The following CLEC16A variants were observed in gnomAD, a reference collection of about 807,000 sequenced individuals.
CLEC16A encodes protein CLEC16A.
Under a neutral mutation model 109.5 loss-of-function variants are expected in CLEC16A, and 51 were observed. The observed-to-expected ratio is 0.47, with a 90% CI of 0.37 to 0.59. CLEC16A has a LOEUF of 0.59. Ranked by LOEUF, CLEC16A falls within the 20% of genes least tolerant of loss-of-function variation. The probability of loss-of-function intolerance (pLI) is 0.00; values close to 1 mark genes in which losing one functional copy is unlikely to be tolerated. For synonymous variants in CLEC16A, 673 were observed against 564.2 expected (o/e 1.19, Z -2.73); for missense variants, 1,339 against 1,394.0 (o/e 0.96, Z 0.63).
chr16:10,959,254 A>G lies in CLEC16A; in HGVS notation c.209+1344A>G, dbSNP rs139648914. Among the ~76,000 whole-genome samples, 175 of 152,350 alleles carry G rather than the reference A, an allele frequency of 1.1e-3. 2 individuals are homozygous for G. Among genetic ancestry groups the G allele is most frequent in the African/African-American group, 4.0e-3 (167 of 41,568 alleles). The stretch of plus-strand genomic sequence containing the variant: ...ATATTTTCATCAGCAAGGTTATCCA[A>G]TAAAGCTACTTGTGGAAATGCAGAC... On this transcript the variant is annotated intron_variant, in intron 2 of 23. Coordinates refer to ENST00000409790, the MANE Select transcript of CLEC16A (RefSeq NM_015226.3).
intron 19 of CLEC16A, among the ~76,000 whole-genome samples, chr16:11,111,523 C>G (rs1314751106): frequency 6.6e-6 from 1 of 152,194 alleles, no homozygotes; most frequent in Non-Finnish European, 1.5e-5. Context: ...AGGGTAGACC[C>G]CACCACTTGA....
intron 22 of CLEC16A, among the ~76,000 whole-genome samples, chr16:11,163,329 T>C (rs2153089853): frequency 6.6e-6 from 1 of 152,028 alleles, no homozygotes; most frequent in Middle Eastern, 3.4e-3. Context: ...AAGCCAAAAG[T>C]CACTGTGGCT....
Position 11,020,334 on chromosome 16 carries a change from C to T in CLEC16A, c.1436+9C>T. ...AGCACGCAATGGAGCAGGTAGCTGC[C>T]CGAGAGGTCGATGCTGAGTGCTCTC... On this transcript the variant is annotated intron_variant, in intron 12 of 23. Coordinates refer to ENST00000409790, the MANE Select transcript of CLEC16A (RefSeq NM_015226.3). 2 of 1,601,932 alleles carry T rather than the reference C, an allele frequency of 1.2e-6. No individual in the cohort carries two copies.
In CLEC16A at chr16:11,178,546, G is replaced by T. The variant is rs777759425; in HGVS notation, c.3018G>T (p.Ser1006=). 2 of 1,612,628 alleles carry T rather than the reference G, an allele frequency of 1.2e-6. No homozygotes were observed. Among genetic ancestry groups the T allele is most frequent in the Non-Finnish European group, 8.5e-7 (1 of 1,179,826 alleles). ...EDTADTLSVE[S]LTLVPPVDPH... ...CGGCTGACACGCTGAGCGTCGAATC[G>T]CTGACCCTTGTCCCCCCAGTTGACC... The change falls in exon 24 of 24, where the codon TCG becomes TCT. Residue 1006 remains serine (S), a synonymous_variant. Coordinates refer to ENST00000409790, the MANE Select transcript of CLEC16A (RefSeq NM_015226.3). The surrounding 1 kb of genome is among the most constrained non-coding windows in gnomAD (Gnocchi z 6.5).
chr16:11,091,310 G>A (rs2050291156), intron 19 of CLEC16A, among the ~76,000 whole-genome samples: 2 of 152,256 alleles, frequency 1.3e-5, no homozygotes, highest in African/African-American at 2.4e-5. Context: ...AAGCTCACAG[G>A]CCTATTCAGT....
rs750967942 is a variant in CLEC16A at position 10,961,692 on chromosome 16, G to A, written c.210-763G>A. Among the ~76,000 whole-genome samples the A allele has an allele frequency of 6.6e-6, 1 of 152,188 alleles. No individual in the cohort carries two copies. The highest frequency in any genetic ancestry group is 1.5e-5 in the Non-Finnish European group (1 of 68,022). The stretch of plus-strand genomic sequence containing the variant: ...GGGTTTCTCCACCACATCAGTACCT[G>A]TGTATTTCTTTCTAGTTATTTTCCC... On this transcript the variant is annotated intron_variant, in intron 2 of 23. Coordinates refer to ENST00000409790, the MANE Select transcript of CLEC16A (RefSeq NM_015226.3). This position sits in a 1 kb window ranked among gnomAD's most constrained non-coding sequence, Gnocchi z 4.3.
At chr16:11,117,764 C>T (rs1015817501) in intron 19 of CLEC16A, among the ~76,000 whole-genome samples, 49 of 152,260 alleles carry the variant, frequency 3.2e-4, no homozygotes, top group African/African-American at 1.1e-3. Context: ...AATTTTGCAT[C>T]TGGTGGGAAA....
At chr16:11,025,766 A>C in intron 13 of CLEC16A, among the ~76,000 whole-genome samples, 1 of 152,250 alleles carries the variant, frequency 6.6e-6, no homozygotes, top group East Asian at 1.9e-4. Context: ...ATGTGTTCTT[A>C]AATCATTAAT....
At chr16:10,994,188 C>T (rs527590261) in intron 10 of CLEC16A, among the ~76,000 whole-genome samples, 31 of 152,266 alleles carry the variant, frequency 2.0e-4, no homozygotes, top group Non-Finnish European at 3.8e-4. Flanking sequence ...TTAATGGAAG[C>T]GGCCTGCTAC....
At chr16:11,066,058 C>T (rs1218661616) in intron 19 of CLEC16A, among the ~76,000 whole-genome samples, 1 of 152,176 alleles carries the variant, frequency 6.6e-6, no homozygotes, top group African/African-American at 2.4e-5. Flanking sequence ...GACTCAGGGG[C>T]CAGACTGTGC....
intron 2 of CLEC16A, among the ~76,000 whole-genome samples, chr16:10,960,674 C>T (rs538035290): frequency 6.6e-6 from 1 of 152,230 alleles, no homozygotes; most frequent in South Asian, 2.1e-4. Context: ...TAAGGTCTAC[C>T]TTCTAGAAGG....
intron 18 of CLEC16A, 97 bp from the exon 19 acceptor site, chr16:11,060,805 T>G: frequency 7.9e-7 from 1 of 1,271,088 alleles, no homozygotes. Flanking sequence ...TCTTTCTTTT[T>G]TAATAGAGAG....
intron 19 of CLEC16A, among the ~76,000 whole-genome samples, chr16:11,118,309 A>G (rs931930054): frequency 2.0e-5 from 3 of 152,174 alleles, no homozygotes; most frequent in African/African-American, 4.8e-5. Flanking sequence ...ACTCCTATGC[A>G]CAAGACCCCA....
chr16:11,042,650 G>T (rs565172092), intron 15 of CLEC16A, among the ~76,000 whole-genome samples: 2 of 152,054 alleles, frequency 1.3e-5, no homozygotes, highest in East Asian at 3.8e-4. Flanking sequence ...TTTTTCTTTG[G>T]TATTACAAAA....
Position 10,954,287 on chromosome 16 carries a change from G to A in CLEC16A, c.81-3495G>A, listed in dbSNP as rs1299412168. Among the ~76,000 whole-genome samples, 1 of 152,134 alleles carries A rather than the reference G, an allele frequency of 6.6e-6. No individual in the cohort carries two copies. Among genetic ancestry groups the A allele is most frequent in the Non-Finnish European group, 1.5e-5 (1 of 68,028 alleles). ...GTGGCAACAGTGTGCACATCTTCAG[G>A]TTACTGTGAGTCTGTAGGTCACATG... On this transcript the variant is annotated intron_variant, in intron 1 of 23. Transcript: ENST00000409790. This position sits in a 1 kb window ranked among gnomAD's most constrained non-coding sequence, Gnocchi z 4.2.
chr16:11,158,491 A>T (rs947830450), intron 22 of CLEC16A, among the ~76,000 whole-genome samples: 2 of 152,216 alleles, frequency 1.3e-5, no homozygotes, highest in East Asian at 3.8e-4. Flanking sequence ...AAAGAGGTCT[A>T]TTGAAAACTG....
At chr16:11,145,069 C>A (rs2053995924) in intron 22 of CLEC16A, among the ~76,000 whole-genome samples, 1 of 152,168 alleles carries the variant, frequency 6.6e-6, no homozygotes, top group Non-Finnish European at 1.5e-5. Context: ...CCACCATGTG[C>A]ACATGGGTCC....
chr16:10,971,448 G>A (rs1282024370), intron 5 of CLEC16A: 1 of 624,830 alleles, frequency 1.6e-6, no homozygotes, highest in Non-Finnish European at 2.0e-6. Flanking sequence ...TCTTGCTCAT[G>A]CTGCTACATA....
intron 22 of CLEC16A, among the ~76,000 whole-genome samples, chr16:11,130,005 G>A (rs902528099): frequency 3.3e-5 from 5 of 152,166 alleles, no homozygotes; most frequent in East Asian, 1.9e-4. Flanking sequence ...ATTGTGATCC[G>A]CCTGTCTCGG....
Sources: gnomAD v4.1 joint callset for allele counts (sites outside exome capture counted in the v4.1 genomes callset) on GRCh38, gnomAD v4.1.1 for gene constraint, Gnocchi (gnomAD v3.1) non-coding constraint, MANE v1.5 for transcripts, NCBI Gene and HGNC (gene_info 2026-07-23, HGNC 2026-07-21) for gene names.